The following YES1 variants were observed in gnomAD, a reference collection of about 807,000 sequenced individuals.
YES1 encodes the protein YES proto-oncogene 1, Src family tyrosine kinase, also known as tyrosine-protein kinase Yes.
In YES1, 39 loss-of-function variants were observed where a neutral mutation model predicts 70.4. The observed-to-expected ratio is 0.55, with a 90% CI of 0.43 to 0.72. The LOEUF is 0.72. Among genes scored for constraint, YES1 ranks in the 30% least tolerant of loss-of-function variants. The pLI, the probability that YES1 is intolerant of heterozygous loss-of-function variation, is 0.00. For synonymous variants in YES1, 198 were observed against 218.6 expected, an observed-to-expected ratio of 0.91 and a Z score of 0.83; for missense variants, 495 against 644.8, an observed-to-expected ratio of 0.77 and a Z score of 2.52.
chr18:729,768 A>G (rs1435201402), intron 11 of YES1, among the ~76,000 whole-genome samples: 1 of 151,762 alleles, frequency 6.6e-6, no homozygotes, highest in East Asian at 1.9e-4. Context: ...CTGGGATTAC[A>G]GGCGCCCGCC....
intron 9 of YES1, chr18:738,641 G>A (rs540309626): frequency 7.3e-6 from 1 of 136,516 alleles, no homozygotes; most frequent in South Asian, 2.4e-4. Context: ...AGTGAGCCGA[G>A]ATTGCACCAC....
At chr18:736,696 G>C in intron 10 of YES1, 112 bp downstream of exon 10, 1 of 1,365,728 alleles carries the variant, frequency 7.3e-7, no homozygotes, top group Non-Finnish European at 9.8e-7. Flanking sequence ...ATGTCTCTAT[G>C]ACTCTTCTGA....
intron 10 of YES1, 108 bp from the exon 11 acceptor site, chr18:733,073 G>C: frequency 1.9e-6 from 2 of 1,042,836 alleles, no homozygotes; most frequent in Non-Finnish European, 1.4e-6. Flanking sequence ...GTAGTCATCA[G>C]TGTCAATTCT....
chr18:732,849 G>A lies in YES1; in HGVS notation c.1408C>T (p.Arg470Ter), dbSNP rs779772570. The change falls in exon 11 of 12, where the codon CGA becomes TGA. Residue 470 changes from arginine (R) to a stop codon, truncating the protein, a stop_gained. Coordinates refer to ENST00000314574, the MANE Select transcript of YES1 (RefSeq NM_005433.4). LOFTEE classifies it high-confidence loss of function. ...ILQTELVTKGRVPYPGMVNRE... is the reference protein window; with the variant it reads ...ILQTELVTKG The stretch of plus-strand genomic sequence containing the variant: ...GCAAGCTTACCTGGATATGGCACTC[G>A]GCCCTTTGTTACTAGTTCTGTTTGC... 1.5e-5 allele frequency: 24 copies of A among 1,614,124 alleles called. No individual in the cohort carries two copies. The highest frequency in any genetic ancestry group is 1.9e-5 in the Non-Finnish European group (22 of 1,180,024).
At chr18:779,831 T>C (rs934031999) in intron 1 of YES1, among the ~76,000 whole-genome samples, 4 of 152,158 alleles carry the variant, frequency 2.6e-5, no homozygotes, top group African/African-American at 9.7e-5. Flanking sequence ...CCTCAGGCAC[T>C]GCACGTACTC....
intron 8 of YES1, among the ~76,000 whole-genome samples, chr18:742,215 A>G (rs2080223866): frequency 6.6e-6 from 1 of 152,230 alleles, no homozygotes; most frequent in Non-Finnish European, 1.5e-5. Context: ...TGCACAGGGA[A>G]AAAGAGGAAA....
At chr18:749,608 C>T (rs2080320181) in intron 3 of YES1, among the ~76,000 whole-genome samples, 2 of 151,908 alleles carry the variant, frequency 1.3e-5, no homozygotes, top group South Asian at 2.1e-4. Context: ...GTAATCCCAG[C>T]ACTTTGGGAG....
At chr18:762,077 T>C (rs1479956976) in intron 1 of YES1, among the ~76,000 whole-genome samples, 1 of 152,174 alleles carries the variant, frequency 6.6e-6, no homozygotes, top group Non-Finnish European at 1.5e-5. Flanking sequence ...TCCCAGCACT[T>C]TGGGAGGCCA....
intron 2 of YES1, among the ~76,000 whole-genome samples, chr18:753,653 T>G (rs1178024842): frequency 1.3e-5 from 2 of 152,020 alleles, no homozygotes; most frequent in African/African-American, 2.4e-5. Flanking sequence ...GCCCAGCTAA[T>G]TTTTGTATTT....
At chr18:730,959 T>A (rs201523600) in intron 11 of YES1, among the ~76,000 whole-genome samples, 89,366 of 151,808 alleles carry the variant, frequency 0.59, 26,687 homozygotes, top group East Asian at 0.71. Flanking sequence ...AAGGGTGAAA[T>A]CAGCAAAGGA....
chr18:744,688 CCT>C (rs1491539661), intron 6 of YES1, among the ~76,000 whole-genome samples: 3 of 79,560 alleles, frequency 3.8e-5, no homozygotes, highest in Non-Finnish European at 7.3e-5. Context: ...CCACGCCTGG[CCT>C]TTTTTTTTTT....
chr18:788,072 C>T (rs1479732232), intron 1 of YES1: 1 of 152,190 alleles, frequency 6.6e-6, no homozygotes, highest in Non-Finnish European at 1.5e-5. Flanking sequence ...TATATTCTGA[C>T]TCTTCACATC....
intron 1 of YES1, among the ~76,000 whole-genome samples, chr18:795,885 C>T (rs1423076564): frequency 6.7e-6 from 1 of 149,820 alleles, no homozygotes; most frequent in Non-Finnish European, 1.5e-5. Context: ...CAAACCTGCA[C>T]GTTCAGCACA....
At chr18:748,506 A>G (rs920400790) in intron 3 of YES1, among the ~76,000 whole-genome samples, 1 of 152,086 alleles carries the variant, frequency 6.6e-6, no homozygotes, top group African/African-American at 2.4e-5. Flanking sequence ...CATCACCCCC[A>G]AAAGAAACTC....
chr18:747,080 CT>C (rs1168677412), intron 4 of YES1, among the ~76,000 whole-genome samples: 1 of 152,164 alleles, frequency 6.6e-6, no homozygotes, highest in Non-Finnish European at 1.5e-5. Flanking sequence ...ATAAAACTAA[CT>C]GAAAGTAATA....
At chr18:793,094 C>A (rs1412886576) in intron 1 of YES1, among the ~76,000 whole-genome samples, 1 of 148,600 alleles carries the variant, frequency 6.7e-6, no homozygotes, top group Non-Finnish European at 1.5e-5. Context: ...GGCTGGAGTG[C>A]AGTGGTGCGA....
chr18:812,373 G>GCTGCGGGTAC (rs1907455776), upstream of YES1: 2 of 151,724 alleles, frequency 1.3e-5, no homozygotes, highest in African/African-American at 4.8e-5. Context: ...GGGGGCGGGG[G>GCTGCGGGTAC]CTGCGGGTAC....
intron 10 of YES1, among the ~76,000 whole-genome samples, chr18:735,570 T>C (rs1247077632): frequency 6.6e-6 from 1 of 150,752 alleles, no homozygotes; most frequent in Non-Finnish European, 1.5e-5. Context: ...AAAAATTAGC[T>C]GGGTGTGGTG....
At chr18:743,171 CT>C (rs2080235179) in intron 7 of YES1, 74 bp from the exon 8 acceptor site, 3 of 1,550,414 alleles carry the variant, frequency 1.9e-6, no homozygotes, top group Admixed American at 2.0e-5. Flanking sequence ...CAGCACTTCT[CT>C]TAAATATTGA....
Sources: gnomAD v4.1 joint callset for allele counts (sites outside exome capture counted in the v4.1 genomes callset) on GRCh38, gnomAD v4.1.1 for gene constraint, MANE v1.5 for transcripts, NCBI Gene and HGNC (gene_info 2026-07-23, HGNC 2026-07-21) for gene names.